The following CSMD1 variants were observed in gnomAD, a reference collection of about 807,000 sequenced individuals.
CSMD1 encodes the protein CUB and Sushi multiple domains 1.
In CSMD1, 213 loss-of-function variants were observed where a neutral mutation model predicts 417.5. That is an observed-to-expected ratio of 0.51 (90% CI 0.46 to 0.57). The LOEUF is 0.57. Ranked by LOEUF, CSMD1 falls within the 20% of genes least tolerant of loss-of-function variation. The probability of loss-of-function intolerance (pLI) is 0.00; values close to 1 mark genes in which losing one functional copy is unlikely to be tolerated. For synonymous variants in CSMD1, 2,862 were observed against 1,736.8 expected (o/e 1.65, Z -16.11); for missense variants, 6,923 against 4,529.7 (o/e 1.53, Z -15.17).
chr8:3,447,378 GA>G (rs1272518857), intron 12 of CSMD1, among the ~76,000 whole-genome samples: 2 of 150,608 alleles, frequency 1.3e-5, no homozygotes, highest in South Asian at 2.1e-4. Flanking sequence ...AATAAAAGAA[GA>G]AAAAAAAAGA....
chr8:3,893,405 A>G (rs552413331), intron 5 of CSMD1, among the ~76,000 whole-genome samples: 77 of 133,774 alleles, frequency 5.8e-4, no homozygotes, highest in African/African-American at 2.0e-3. Flanking sequence ...ATGACCTTGA[A>G]GCTTAACAAA....
At chr8:4,837,259 A>G (rs1800549573) in intron 1 of CSMD1, among the ~76,000 whole-genome samples, 2 of 151,902 alleles carry the variant, frequency 1.3e-5, no homozygotes, top group Middle Eastern at 3.4e-3. Context: ...ATACCCCCCA[A>G]AAAAGGAAAT....
intron 1 of CSMD1, among the ~76,000 whole-genome samples, chr8:4,860,178 G>A (rs926561552): frequency 4.9e-5 from 7 of 143,722 alleles, no homozygotes; most frequent in African/African-American, 7.8e-5. Context: ...ACCAAACACC[G>A]CATATTCTCA....
At chr8:4,151,830 T>C (rs1448167010) in intron 3 of CSMD1, among the ~76,000 whole-genome samples, 3 of 152,196 alleles carry the variant, frequency 2.0e-5, no homozygotes, top group Non-Finnish European at 4.4e-5. Context: ...TTTATATATA[T>C]AGCATGAATC....
intron 5 of CSMD1, among the ~76,000 whole-genome samples, chr8:3,818,915 C>A (rs1474314788): frequency 6.6e-6 from 1 of 152,156 alleles, no homozygotes; most frequent in African/African-American, 2.4e-5. Flanking sequence ...ACCGCACATG[C>A]CCACACTCAC....
intron 3 of CSMD1, among the ~76,000 whole-genome samples, chr8:4,170,406 A>T (rs539154613): frequency 6.6e-6 from 1 of 152,042 alleles, no homozygotes; most frequent in South Asian, 2.1e-4. Flanking sequence ...TGAAAAGCAT[A>T]TGCATGTATA....
At chr8:4,731,100 T>C (rs1206130279) in intron 1 of CSMD1, among the ~76,000 whole-genome samples, 1 of 152,220 alleles carries the variant, frequency 6.6e-6, no homozygotes, top group Non-Finnish European at 1.5e-5. Context: ...AGCTGTAACC[T>C]GCTTTTGATT....
chr8:4,175,908 A>G (rs1212512217), intron 3 of CSMD1, among the ~76,000 whole-genome samples: 1 of 152,104 alleles, frequency 6.6e-6, no homozygotes, highest in Non-Finnish European at 1.5e-5. Context: ...CCTAATTACC[A>G]CTTTTCTGTG....
intron 1 of CSMD1, among the ~76,000 whole-genome samples, chr8:4,896,801 C>A (rs1056506575): frequency 4.6e-5 from 7 of 151,742 alleles, no homozygotes; most frequent in Admixed American, 2.6e-4. Flanking sequence ...CGGGGTAGGG[C>A]GGGGGGAAGT....
intron 12 of CSMD1, among the ~76,000 whole-genome samples, chr8:3,439,878 T>C (rs1249328930): frequency 6.6e-6 from 1 of 152,316 alleles, no homozygotes; most frequent in Non-Finnish European, 1.5e-5. Context: ...CCTATGTATG[T>C]CCAGTTGTCC....
intron 25 of CSMD1, among the ~76,000 whole-genome samples, chr8:3,286,760 C>G (rs533555677): frequency 6.6e-6 from 1 of 151,958 alleles, no homozygotes; most frequent in Admixed American, 6.6e-5. Context: ...AAATTTTCTC[C>G]CATTCTGTAG....
chr8:4,955,337 G>A (rs7463075), intron 1 of CSMD1, among the ~76,000 whole-genome samples: 9 of 152,064 alleles, frequency 5.9e-5, no homozygotes, highest in African/African-American at 2.2e-4. Flanking sequence ...ACAGAAAACA[G>A]TACTTCCCAT....
At chr8:4,220,556 G>T (rs1455391327) in intron 3 of CSMD1, among the ~76,000 whole-genome samples, 1 of 152,204 alleles carries the variant, frequency 6.6e-6, no homozygotes, top group African/African-American at 2.4e-5. Flanking sequence ...ACAATTTTAG[G>T]TTTTGTGTGA....
At chr8:3,363,238 G>A (rs943139601) in intron 20 of CSMD1, among the ~76,000 whole-genome samples, 6 of 151,974 alleles carry the variant, frequency 3.9e-5, no homozygotes, top group African/African-American at 1.2e-4. Flanking sequence ...AAGAATGAGC[G>A]TACTCTCCTC....
At chr8:4,296,197 A>G (rs1432784106) in intron 3 of CSMD1, among the ~76,000 whole-genome samples, 3 of 152,000 alleles carry the variant, frequency 2.0e-5, no homozygotes, top group Admixed American at 6.6e-5. Context: ...TTAGTCCTCA[A>G]CTCATCTCCA....
chr8:3,727,926 C>T (rs988125377), intron 6 of CSMD1, among the ~76,000 whole-genome samples: 9 of 152,016 alleles, frequency 5.9e-5, no homozygotes, highest in East Asian at 1.9e-4. Context: ...ATTCAAAGAG[C>T]GGCAGGGAGG....
intron 21 of CSMD1, 79 bp downstream of exon 21, chr8:3,359,073 C>A: frequency 4.2e-6 from 6 of 1,423,240 alleles, no homozygotes; most frequent in East Asian, 4.6e-5. Flanking sequence ...CCCCACCCGA[C>A]CCCGACCACC....
intron 1 of CSMD1, among the ~76,000 whole-genome samples, chr8:4,904,827 A>T (rs1805129337): frequency 6.6e-6 from 1 of 152,228 alleles, no homozygotes; most frequent in South Asian, 2.1e-4. Flanking sequence ...GTCTGGCATG[A>T]AGATCCCTAT....
chr8:3,521,523 G>C (rs530536816), intron 10 of CSMD1, among the ~76,000 whole-genome samples: 1 of 152,244 alleles, frequency 6.6e-6, no homozygotes, highest in Non-Finnish European at 1.5e-5. Context: ...TGATCTGCCT[G>C]AGTATCTTAT....
Sources: gnomAD v4.1 joint callset for allele counts (sites outside exome capture counted in the v4.1 genomes callset) on GRCh38, gnomAD v4.1.1 for gene constraint, MANE v1.5 for transcripts, NCBI Gene and HGNC (gene_info 2026-07-23, HGNC 2026-07-21) for gene names.